The following DNAH10 variants were observed in gnomAD, a reference collection of about 807,000 sequenced individuals.
DNAH10 encodes axonemal beta dynein heavy chain 10.
In DNAH10, 348 loss-of-function variants were observed where a neutral mutation model predicts 506.6. The observed-to-expected ratio is 0.69, with a 90% CI of 0.63 to 0.75. DNAH10 has a LOEUF of 0.75. Among genes scored for constraint, DNAH10 ranks in the 30% least tolerant of loss-of-function variants. DNAH10 has a pLI of 0.00. For missense variants in DNAH10, 5,179 were observed against 5,787.1 expected, an observed-to-expected ratio of 0.89 and a Z score of 3.41; for synonymous variants, 2,059 against 2,198.6, an observed-to-expected ratio of 0.94 and a Z score of 1.78.
intron 25 of DNAH10, among the ~76,000 whole-genome samples, chr12:123,829,774 G>A (rs969539190): frequency 9.2e-5 from 14 of 152,112 alleles, no homozygotes; most frequent in East Asian, 3.8e-4. Flanking sequence ...TGCTGGGTAC[G>A]TGGCGTTCTG....
chr12:123,856,759 AAAAT>A (rs1001021338), intron 36 of DNAH10, among the ~76,000 whole-genome samples: 22 of 147,674 alleles, frequency 1.5e-4, no homozygotes, highest in Non-Finnish European at 3.0e-4. Flanking sequence ...ATATTAATAT[AAAAT>A]AAAAAATAAA....
intron 13 of DNAH10, 40 bp downstream of exon 13, chr12:123,796,872 ATTTTTT>A: frequency 7.7e-7 from 1 of 1,290,680 alleles, no homozygotes; most frequent in Non-Finnish European, 1.0e-6. Context: ...TTTGTATTTG[ATTTTTT>A]TTTTTTTTTT....
rs868509385 is a variant in DNAH10 at position 123,831,065 on chromosome 12, A to G, written c.4545+366A>G. Reference sequence around the variant, plus strand: ...TTAATTAAATTTTTTGTTGTTCCCAATTGTAGTTTCATTTTCCATTGTTTA... The same window carrying G: ...TTAATTAAATTTTTTGTTGTTCCCAGTTGTAGTTTCATTTTCCATTGTTTA... On this transcript the variant is annotated intron_variant, in intron 26 of 78. Transcript: ENST00000673944. 3.3e-5 allele frequency among the ~76,000 whole-genome samples: 5 copies of G among 152,142 alleles called. No homozygotes were observed. The South Asian group carries it at 6.2e-4, about 19-fold the overall frequency.
intron 5 of DNAH10, among the ~76,000 whole-genome samples, chr12:123,780,506 T>C (rs10846557): frequency 0.48 from 72,437 of 151,786 alleles, 20,293 homozygotes; most frequent in East Asian, 0.94. Context: ...ACTGGTGGTA[T>C]ACAGAAATAA....
In DNAH10 at chr12:123,916,570, C is replaced by A. The variant is rs61749063; in HGVS notation, c.10836C>A (p.Asn3612Lys). The A allele has an allele frequency of 6.2e-7, 1 of 1,613,750 alleles. No individual in the cohort carries two copies. Among genetic ancestry groups the A allele is most frequent in the Admixed American group, 1.7e-5 (1 of 60,012 alleles). ...AATACATCGATCCTGTGATTGACAA[C>A]GTCTTAGAAAAAAATATAAAAGTCT... ...VDEYIDPVID[N>K]VLEKNIKVSQ... is the part of the protein sequence containing the mutation. Residue 3612 changes from asparagine (N) to lysine (K), a missense_variant, in exon 63 of 79, where the codon AAC becomes AAA. Around this residue, in one of 3 missense-constraint regions of DNAH10, gnomAD observed 4,844 missense variants for 5,430.5 expected, o/e 0.89. Coordinates refer to ENST00000673944, the MANE Select transcript of DNAH10 (RefSeq NM_001372106.1). This position sits in a 1 kb window ranked among gnomAD's most constrained non-coding sequence, Gnocchi z 4.6.
intron 76 of DNAH10, 95 bp downstream of exon 76, chr12:123,932,203 G>A: frequency 6.9e-7 from 1 of 1,453,836 alleles, no homozygotes; most frequent in Admixed American, 2.0e-5. Context: ...TTGCCCAGCA[G>A]TAACCTCTGT....
chr12:123,835,153 C>G (rs1961001197), intron 27 of DNAH10, among the ~76,000 whole-genome samples: 1 of 152,164 alleles, frequency 6.6e-6, no homozygotes, highest in Admixed American at 6.5e-5. Context: ...AGAAGTTTTC[C>G]TACCTGTGCT....
intron 19 of DNAH10, among the ~76,000 whole-genome samples, chr12:123,810,228 T>C (rs1257171076): frequency 2.0e-5 from 3 of 152,152 alleles, no homozygotes; most frequent in Non-Finnish European, 4.4e-5. Flanking sequence ...AATTGGAAAA[T>C]AGAGCTGTCT....
rs374591271 is a variant in DNAH10 at position 123,819,204 on chromosome 12, T to C, written c.3954T>C (p.Arg1318=). 3 of 1,613,348 alleles carry C rather than the reference T, an allele frequency of 1.9e-6. No individual in the cohort carries two copies. Among genetic ancestry groups the C allele is most frequent in the African/African-American group, 2.7e-5 (2 of 74,978 alleles). Residue 1318 remains arginine (R), a synonymous_variant, in exon 23 of 79, where the codon CGT becomes CGC. Transcript: ENST00000673944. ...TTCAGATAGAGGAGTTTGCAAAGCG[T>C]TTTTACAGTGAAGGCCCTGGTTCTG... is the stretch of plus-strand genomic sequence containing the variant. ...YRVQIEEFAK[R]FYSEGPGSVG...
rs1386376206 is a variant in DNAH10, at chr12:123,935,443, G to A, written c.13732G>A (p.Val4578Met). 2 of 1,606,772 alleles carry A rather than the reference G, an allele frequency of 1.2e-6. No homozygotes were observed. The highest frequency in any genetic ancestry group is 1.7e-6 in the Non-Finnish European group (2 of 1,173,816). ...LFTTRHISHW[V>M]LQGVCLTLNS... is the part of the protein sequence containing the mutation. The stretch of plus-strand genomic sequence containing the variant: ...TACCACGAGGCACATTTCTCACTGG[G>A]TGCTGCAAGGAGTATGCCTCACCCT... Residue 4578 changes from valine (V) to methionine (M), a missense_variant, in exon 79 of 79, where the codon GTG becomes ATG. Coordinates refer to ENST00000673944, the MANE Select transcript of DNAH10 (RefSeq NM_001372106.1).
intron 71 of DNAH10, 82 bp downstream of exon 71, chr12:123,929,566 C>T: frequency 1.3e-6 from 2 of 1,568,250 alleles, no homozygotes; most frequent in South Asian, 1.2e-5. Flanking sequence ...TCAACCACAG[C>T]AGGGTTGCAC....
In DNAH10 at chr12:123,898,735, C is replaced by T. The variant is rs370543140; in HGVS notation, c.9561C>T (p.Ala3187=). 3.7e-6 allele frequency: 6 copies of T among 1,610,158 alleles called. No individual in the cohort carries two copies. Among genetic ancestry groups the T allele is most frequent in the Admixed American group, 1.7e-5 (1 of 59,550 alleles). ...IQLDELNQKL[A]EQKIVLAEKS... ...TGGACGAGCTGAACCAGAAGCTGGC[C>T]GAGCAGAAGATCGTGCTGGCGGAGA... Residue 3187 remains alanine, a synonymous_variant, in exon 56 of 79, where the codon GCC becomes GCT. Transcript: ENST00000673944.
Position 123,785,956 on chromosome 12 carries a change from A to T in DNAH10, c.1421+20A>T. On this transcript the variant is annotated intron_variant, in intron 9 of 78. Transcript: ENST00000673944. The surrounding 1 kb of genome is among the most constrained non-coding windows in gnomAD (Gnocchi z 4.1). Reference sequence around the variant, plus strand: ...GTTCAAGTAAGAAGCCATGGCGTTCATTTTTTTGTTTTGTTTTGTTTCACT... The same window carrying T: ...GTTCAAGTAAGAAGCCATGGCGTTCTTTTTTTTGTTTTGTTTTGTTTCACT... 6.3e-7 allele frequency: 1 copy of T among 1,595,936 alleles called. No individual in the cohort carries two copies. The highest frequency in any genetic ancestry group is 8.6e-7 in the Non-Finnish European group (1 of 1,166,658).
chr12:123,843,336 G>A (rs1009360413), intron 30 of DNAH10, among the ~76,000 whole-genome samples: 1 of 152,156 alleles, frequency 6.6e-6, no homozygotes, highest in Non-Finnish European at 1.5e-5. Flanking sequence ...AATCTTCTCT[G>A]ATCCTATGGC....
intron 66 of DNAH10, 42 bp downstream of exon 66, chr12:123,923,909 C>A: frequency 7.2e-7 from 1 of 1,387,924 alleles, no homozygotes; most frequent in South Asian, 1.3e-5. Flanking sequence ...TCTCCTTGCC[C>A]ACATGATACA....
intron 40 of DNAH10, among the ~76,000 whole-genome samples, chr12:123,865,578 C>G (rs575045913): frequency 3.5e-4 from 53 of 151,716 alleles, no homozygotes; most frequent in African/African-American, 1.2e-3. Flanking sequence ...CTGATCTCAA[C>G]TATGTTAAAA....
chr12:123,898,950 G>A, intron 56 of DNAH10, 136 bp downstream of exon 56: 1 of 1,329,394 alleles, frequency 7.5e-7, no homozygotes, highest in South Asian at 1.7e-5. Context: ...CTGCTTGTAG[G>A]CACTGAGCGT....
At chr12:123,922,881 T>C (rs2137595952) in intron 65 of DNAH10, 1 of 152,326 alleles carries the variant, frequency 6.6e-6, no homozygotes, top group East Asian at 1.9e-4. Flanking sequence ...TGTCTCCAAA[T>C]ACTGTCATAT....
chr12:123,835,387 A>G lies in DNAH10; in HGVS notation c.4780-19A>G. On this transcript the variant is annotated intron_variant, in intron 27 of 78. Coordinates refer to ENST00000673944, the MANE Select transcript of DNAH10 (RefSeq NM_001372106.1). Reference sequence around the variant, plus strand: ...TATCTGATAACCCCTGCTGACACTGACCTTTTGTACATTTACAGATTTGGA... The same window carrying G: ...TATCTGATAACCCCTGCTGACACTGGCCTTTTGTACATTTACAGATTTGGA... 6.2e-7 allele frequency: 1 copy of G among 1,611,600 alleles called. No homozygotes were observed. The highest frequency in any genetic ancestry group is 2.2e-5 in the East Asian group (1 of 44,830).
Sources: allele counts gnomAD v4.1 joint callset (sites outside exome capture counted in the v4.1 genomes callset), GRCh38; gene constraint gnomAD v4.1.1; regional missense constraint gnomAD v4.1.1; non-coding constraint Gnocchi (gnomAD v3.1); transcripts MANE v1.5; gene names NCBI Gene and HGNC (gene_info 2026-07-23, HGNC 2026-07-21).